Variants in IKZF2 observed in about 807,000 individuals in gnomAD.
IKZF2 encodes zinc finger protein Helios.
IKZF2 carries 15 observed loss-of-function variants against 49.2 expected under a neutral mutation model. That is an observed-to-expected ratio of 0.30 (90% CI 0.20 to 0.47). IKZF2 has a LOEUF of 0.47. IKZF2 is among the 20% of genes least tolerant of loss of function. The probability of loss-of-function intolerance (pLI) is 1.00; values close to 1 mark genes in which losing one functional copy is unlikely to be tolerated. For synonymous variants in IKZF2, 227 were observed against 221.4 expected (o/e 1.03, Z -0.23); for missense variants, 567 against 664.6 (o/e 0.85, Z 1.61).
intron 6 of IKZF2, among the ~76,000 whole-genome samples, chr2:213,031,028 G>A (rs1473352187): frequency 1.3e-5 from 2 of 152,150 alleles, no homozygotes; most frequent in Non-Finnish European, 2.9e-5. Context: ...GTTTCACCAC[G>A]TTGGCCAGGC....
At chr2:213,077,105 A>T (rs1045825918) in intron 4 of IKZF2, among the ~76,000 whole-genome samples, 4 of 152,204 alleles carry the variant, frequency 2.6e-5, no homozygotes, top group African/African-American at 9.6e-5. Flanking sequence ...TATACATGAA[A>T]TTCACTGAAT....
intron 4 of IKZF2, among the ~76,000 whole-genome samples, chr2:213,094,179 G>C (rs1323261022): frequency 6.6e-6 from 1 of 152,054 alleles, no homozygotes; most frequent in Non-Finnish European, 1.5e-5. Context: ...GTTTGAACTG[G>C]GTTCAAATTT....
intron 4 of IKZF2, among the ~76,000 whole-genome samples, chr2:213,141,019 C>G: frequency 6.6e-6 from 1 of 151,874 alleles, no homozygotes; most frequent in East Asian, 1.9e-4. Flanking sequence ...TGCTTCAAAC[C>G]AGAATTGAAC....
intron 4 of IKZF2, among the ~76,000 whole-genome samples, chr2:213,122,516 C>G (rs919512048): frequency 6.6e-6 from 1 of 152,150 alleles, no homozygotes; most frequent in Non-Finnish European, 1.5e-5. Context: ...GAAAAAGACC[C>G]TATGACATAA....
chr2:213,112,148 T>A (rs1353846921), intron 4 of IKZF2, among the ~76,000 whole-genome samples: 19 of 152,016 alleles, frequency 1.2e-4, no homozygotes, highest in Non-Finnish European at 5.9e-5. Flanking sequence ...GAGACTAACA[T>A]TTTCAGTCCT....
At chr2:213,102,558 C>T (rs1017326455) in intron 4 of IKZF2, among the ~76,000 whole-genome samples, 9 of 151,620 alleles carry the variant, frequency 5.9e-5, no homozygotes, top group East Asian at 1.9e-4. Context: ...GTAAATAAGA[C>T]GTCAATCTCA....
chr2:213,138,232 AGAT>A (rs1303602757), intron 4 of IKZF2, among the ~76,000 whole-genome samples: 1 of 152,094 alleles, frequency 6.6e-6, no homozygotes, highest in Non-Finnish European at 1.5e-5. Flanking sequence ...GTAGTAATGA[AGAT>A]GATGATGGTG....
intron 4 of IKZF2, among the ~76,000 whole-genome samples, chr2:213,146,195 G>T (rs1257431697): frequency 6.6e-6 from 1 of 152,014 alleles, no homozygotes; most frequent in Non-Finnish European, 1.5e-5. Context: ...AGGAAATTGT[G>T]TGAGTTATCT....
intron 4 of IKZF2, among the ~76,000 whole-genome samples, chr2:213,089,041 CT>C (rs1704996566): frequency 6.6e-6 from 1 of 152,158 alleles, no homozygotes; most frequent in African/African-American, 2.4e-5. Flanking sequence ...AATCCTTTGG[CT>C]AAGACATTTT....
At chr2:213,054,949 T>A (rs906150202) in intron 5 of IKZF2, among the ~76,000 whole-genome samples, 3 of 152,094 alleles carry the variant, frequency 2.0e-5, no homozygotes, top group African/African-American at 7.2e-5. Flanking sequence ...AAATTAACAA[T>A]CCTCATGAAT....
At chr2:213,113,319 A>G (rs531799548) in intron 4 of IKZF2, among the ~76,000 whole-genome samples, 2 of 152,312 alleles carry the variant, frequency 1.3e-5, no homozygotes, top group South Asian at 4.1e-4. Flanking sequence ...TGGTATGCAG[A>G]GAGTAGCCTA....
At chr2:213,068,307 T>G (rs1702349162) in intron 4 of IKZF2, among the ~76,000 whole-genome samples, 1 of 152,090 alleles carries the variant, frequency 6.6e-6, no homozygotes, top group Non-Finnish European at 1.5e-5. Flanking sequence ...TGGGTTTTAT[T>G]TCTTCTATTA....
At chr2:213,027,915 A>C (rs1300046578) in intron 6 of IKZF2, among the ~76,000 whole-genome samples, 1 of 152,084 alleles carries the variant, frequency 6.6e-6, no homozygotes, top group African/African-American at 2.4e-5. Context: ...CCTCTCAAGA[A>C]ATATGTGTCT....
intron 4 of IKZF2, among the ~76,000 whole-genome samples, chr2:213,121,824 C>A (rs777990666): frequency 6.6e-6 from 1 of 152,224 alleles, no homozygotes; most frequent in Non-Finnish European, 1.5e-5. Context: ...GAACAGCACA[C>A]TAATCAGCTG....
At chr2:213,132,795 C>G (rs564081109) in intron 4 of IKZF2, among the ~76,000 whole-genome samples, 1 of 152,272 alleles carries the variant, frequency 6.6e-6, no homozygotes, top group East Asian at 1.9e-4. Context: ...CACTTAATTA[C>G]CATTTCAATT....
chr2:213,124,515 C>A (rs2060192934), intron 4 of IKZF2, among the ~76,000 whole-genome samples: 1 of 152,202 alleles, frequency 6.6e-6, no homozygotes, highest in Non-Finnish European at 1.5e-5. Flanking sequence ...TGCAAACCAT[C>A]CCGTTCCCGG....
intron 7 of IKZF2, chr2:213,017,039 C>T (rs966422671): frequency 6.6e-6 from 1 of 152,058 alleles, no homozygotes; most frequent in African/African-American, 2.4e-5. Context: ...CTCCGTGTTA[C>T]CCGATCTAAA....
rs541250243 is a variant in IKZF2, at chr2:213,041,430, GTA to G, written c.574+8281_574+8282del. Among the ~76,000 whole-genome samples, 28 of 152,118 alleles carry G rather than the reference GTA, an allele frequency of 1.8e-4. 1 individual carries two copies. Among genetic ancestry groups the G allele is most frequent in the African/African-American group, 6.0e-4 (25 of 41,506 alleles). On this transcript the variant is annotated intron_variant, in intron 6 of 8. Transcript: ENST00000434687. ...CAATCCTCCTGCCTCAGCCTCCCGA[GTA>G]GCTGGGACTACAGGCGTGTGCTATC...
intron 4 of IKZF2, among the ~76,000 whole-genome samples, chr2:213,107,897 T>C (rs1450058201): frequency 6.6e-6 from 1 of 152,130 alleles, no homozygotes; most frequent in Non-Finnish European, 1.5e-5. Flanking sequence ...AGGTTAGTTT[T>C]CATATCTCTA....
Sources: gnomAD v4.1 joint callset for allele counts (sites outside exome capture counted in the v4.1 genomes callset) on GRCh38, gnomAD v4.1.1 for gene constraint, MANE v1.5 for transcripts, NCBI Gene and HGNC (gene_info 2026-07-23, HGNC 2026-07-21) for gene names.